CD8B: variants seen among roughly 807,000 people sequenced by gnomAD.
CD8B encodes the protein T-cell surface glycoprotein CD8 beta chain.
CD8B carries 6 observed loss-of-function variants against 24.2 expected under a neutral mutation model. The ratio of observed to expected loss-of-function variants is 0.25; its 90% CI spans 0.14 to 0.49. The LOEUF (loss-of-function observed/expected upper bound fraction) is 0.49, where lower values mean the gene tolerates loss of function less well. CD8B is among the 20% of genes least tolerant of loss of function. The pLI is 0.98. For synonymous variants in CD8B, 84 were observed against 108.3 expected, an observed-to-expected ratio of 0.78 and a Z score of 1.39; for missense variants, 196 against 271.3, an observed-to-expected ratio of 0.72 and a Z score of 1.95.
At position 86,841,104 on chromosome 2, in the gene CD8B, A is replaced by G. The variant is rs1675402386; in HGVS notation, c.*1203T>C. Among the ~76,000 whole-genome samples the G allele has an allele frequency of 5.3e-5, 8 of 150,310 alleles. No individual in the cohort carries two copies. In the Admixed American group the frequency reaches 5.3e-4, roughly 10 times the overall value. ...GCTCCTAGGCTGCTAAAGCTCAGGT[A>G]GGGGCGGCTAAGATGGGTCTCAGGC... is the stretch of plus-strand genomic sequence containing the variant. On this transcript the variant is annotated 3_prime_UTR_variant, in exon 6 of 6. Transcript: ENST00000390655.
Position 86,829,095 on chromosome 2 carries a change from C to CTTTTTTTTTTTTTT in CD8B, c.621-13391_621-13378dup, listed in dbSNP as rs746569858. Among the ~76,000 whole-genome samples the CTTTTTTTTTTTTTT allele has an allele frequency of 2.9e-3, 237 of 82,976 alleles. 12 individuals carry two copies. Among genetic ancestry groups the CTTTTTTTTTTTTTT allele is most frequent in the Non-Finnish European group, 4.0e-3 (179 of 44,456 alleles). The allele number at this position is 82,976 out of a possible 152,430, so 54.4% of individuals were successfully genotyped here. A position where few individuals can be genotyped will look rare whatever the true frequency, so the allele number is the denominator to read the frequency against. ...TTACCATTTTGGCATATGCTCTTTA[C>CTTTTTTTTTTTTTT]TTTTTTTTTTTTTTTTTTTTTTGAG... On this transcript the variant is annotated intron_variant, in intron 5 of 5. Transcript: ENST00000331469.
intron 5 of CD8B, among the ~76,000 whole-genome samples, chr2:86,826,924 C>T (rs572589659): frequency 4.6e-4 from 69 of 151,618 alleles, no homozygotes; most frequent in East Asian, 9.7e-4. Context: ...CGGGTTCAAG[C>T]GATTCTCCTG....
chr2:86,815,744 C>A, intron 5 of CD8B: 1 of 1,199,254 alleles, frequency 8.3e-7, no homozygotes, highest in South Asian at 1.2e-5. Flanking sequence ...ACAAGAGAGT[C>A]TCAATACATG....
chr2:86,856,765 TGA>T (rs1158734168), intron 2 of CD8B, among the ~76,000 whole-genome samples: 1 of 150,366 alleles, frequency 6.7e-6, no homozygotes, highest in Non-Finnish European at 1.5e-5. Flanking sequence ...CAGGTGCTGC[TGA>T]GCACATGAAA....
intron 5 of CD8B, among the ~76,000 whole-genome samples, chr2:86,816,822 A>G (rs974728952): frequency 6.6e-6 from 1 of 152,262 alleles, no homozygotes; most frequent in Non-Finnish European, 1.5e-5. Context: ...GTCAAAATAT[A>G]AAAGGACAAG....
intron 5 of CD8B, among the ~76,000 whole-genome samples, chr2:86,843,921 G>A (rs1056687131): frequency 6.6e-6 from 1 of 152,232 alleles, no homozygotes; most frequent in African/African-American, 2.4e-5. Context: ...GAGCTTTTGA[G>A]CAGGAGAACC....
chr2:86,829,094 A>ATTTTTT (rs1674803947), intron 5 of CD8B, among the ~76,000 whole-genome samples: 1 of 52,096 alleles, frequency 1.9e-5, no homozygotes, highest in Non-Finnish European at 4.7e-5. Flanking sequence ...TATGCTCTTT[A>ATTTTTT]CTTTTTTTTT....
At chr2:86,832,540 G>C (rs1674944715) in intron 5 of CD8B, among the ~76,000 whole-genome samples, 1 of 151,346 alleles carries the variant, frequency 6.6e-6, no homozygotes, top group South Asian at 2.1e-4. Context: ...GGTCACATGA[G>C]GTTTTTATGC....
intron 5 of CD8B, chr2:86,843,670 T>C: frequency 2.0e-6 from 2 of 985,402 alleles, no homozygotes; most frequent in Non-Finnish European, 2.4e-6. Context: ...TGTCCATTGC[T>C]GCACTTGCAG....
Position 86,839,248 on chromosome 2 carries a change from C to T in CD8B, c.*3059G>A, listed in dbSNP as rs1258465765. On this transcript the variant is annotated 3_prime_UTR_variant, in exon 6 of 6. Transcript: ENST00000390655. ...TGGATCTAGCTCATTCCTTAGCAGCCGCCTAAACCCCCTTATTAGACTGTG... is the reference window on the plus strand; with the variant it reads ...TGGATCTAGCTCATTCCTTAGCAGCTGCCTAAACCCCCTTATTAGACTGTG... Among the ~76,000 whole-genome samples, 7 of 152,202 alleles carry T rather than the reference C, an allele frequency of 4.6e-5. No individual in the cohort carries two copies. Among genetic ancestry groups the T allele is most frequent in the Admixed American group, 3.3e-4 (5 of 15,278 alleles).
intron 2 of CD8B, among the ~76,000 whole-genome samples, chr2:86,857,674 C>T (rs888082464): frequency 2.0e-5 from 3 of 152,018 alleles, no homozygotes; most frequent in Non-Finnish European, 4.4e-5. Context: ...GAGCCAAGAT[C>T]GCACCACTGC....
At chr2:86,833,987 G>A (rs968436523), downstream of CD8B, among the ~76,000 whole-genome samples, 2 of 152,038 alleles carry the variant, frequency 1.3e-5, no homozygotes, top group South Asian at 2.1e-4. Context: ...ATGGCTACAC[G>A]ATATTTTTGG....
chr2:86,849,822 G>C (rs1300132381), intron 3 of CD8B, among the ~76,000 whole-genome samples: 1 of 150,522 alleles, frequency 6.6e-6, no homozygotes, highest in Non-Finnish European at 1.5e-5. Flanking sequence ...TCCTTCCTCA[G>C]CCTCCTAAGT....
Position 86,858,246 on chromosome 2 carries a change from G to A in CD8B, c.214C>T (p.Leu72Phe). The A allele has an allele frequency of 1.2e-6, 2 of 1,614,010 alleles. No individual in the cohort carries two copies. The highest frequency in any genetic ancestry group is 1.7e-6 in the Non-Finnish European group (2 of 1,179,886). Residue 72 changes from leucine (L) to phenylalanine (F), a missense_variant, in exon 2 of 6, where the codon CTC becomes TTC. Physicochemically the swap from Leu to Phe is conservative, Grantham distance 22 (BLOSUM62 0). Coordinates refer to ENST00000390655, the MANE Select transcript of CD8B (RefSeq NM_004931.5). ...ATAGTCCCTTTTGCGGAATCCCAGA[G>A]GGCCAGGAACTCGTGGTGACTGTCA... Reference protein sequence around the residue: ...SSDSHHEFLALWDSAKGTIHG... With the variant: ...SSDSHHEFLAFWDSAKGTIHG...
chr2:86,836,585 A>C (rs1675187431), downstream of CD8B, among the ~76,000 whole-genome samples: 2 of 152,178 alleles, frequency 1.3e-5, no homozygotes, highest in South Asian at 4.1e-4. Context: ...CAGGAGTTTG[A>C]GACCAGCCTG....
chr2:86,847,119 TAG>T (rs1675728730), intron 3 of CD8B, among the ~76,000 whole-genome samples: 2 of 151,544 alleles, frequency 1.3e-5, no homozygotes, highest in Admixed American at 1.3e-4. Context: ...GTATCTTTAG[TAG>T]AGAGAGGGTT....
intron 5 of CD8B, among the ~76,000 whole-genome samples, chr2:86,828,973 T>A (rs552089192): frequency 6.6e-6 from 1 of 152,132 alleles, no homozygotes; most frequent in African/African-American, 2.4e-5. Context: ...TGCCTGGCTG[T>A]CAGTGTAATA....
Position 86,841,492 on chromosome 2 carries a change from G to A in CD8B, c.*815C>T, listed in dbSNP as rs1675420113. Reference sequence around the variant, plus strand: ...AGGATCTCAGGTGCAAAAGGAGGATGTACAAATTTTCTCCTTCTGGTTTCT... The same window carrying A: ...AGGATCTCAGGTGCAAAAGGAGGATATACAAATTTTCTCCTTCTGGTTTCT... On this transcript the variant is annotated 3_prime_UTR_variant, in exon 6 of 6. Transcript: ENST00000390655. 1.6e-6 allele frequency: 1 copy of A among 614,706 alleles called. No homozygotes were observed. The highest frequency in any genetic ancestry group is 1.4e-4 in the East Asian group (1 of 6,964). The allele number at this position is 614,706 out of a possible 1,614,324, so 38.1% of individuals were successfully genotyped here.
chr2:86,846,812 A>AT lies in CD8B; in HGVS notation c.494-40dup, dbSNP rs759026558. On this transcript the variant is annotated intron_variant, in intron 3 of 5. Transcript: ENST00000390655. ...ATGTGACATGTGTTCAACACGGAAC[A>AT]TTTTTCTGCATGAGACACGCAGAAA... The AT allele has an allele frequency of 9.3e-6, 13 of 1,399,636 alleles. No homozygotes were observed. The African/African-American group carries it at 1.6e-4, about 17-fold the overall frequency. 86.7% of individuals were successfully genotyped at this position (1,399,636 alleles called of 1,614,324 possible). A position where few individuals can be genotyped will look rare whatever the true frequency, so the allele number is the denominator to read the frequency against.
Sources: allele counts gnomAD v4.1 joint callset (sites outside exome capture counted in the v4.1 genomes callset), GRCh38; gene constraint gnomAD v4.1.1; transcripts MANE v1.5; gene names NCBI Gene and HGNC (gene_info 2026-07-23, HGNC 2026-07-21).